Variants in NRXN3 observed in about 807,000 individuals in gnomAD.
The protein encoded by NRXN3 is neurexin 3, also known as neurexin III.
A neutral mutation model predicts 137.6 loss-of-function variants in NRXN3; 32 were observed. The observed-to-expected ratio is 0.23, with a 90% CI of 0.18 to 0.31. The LOEUF (loss-of-function observed/expected upper bound fraction) is 0.31, where lower values mean the gene tolerates loss of function less well. Ranked by LOEUF, NRXN3 falls within the 10% of genes least tolerant of loss-of-function variation. NRXN3 has a pLI of 1.00. For synonymous variants in NRXN3, 798 were observed against 784.5 expected (o/e 1.02, Z -0.29); for missense variants, 1,574 against 2,062.5 (o/e 0.76, Z 4.59).
chr14:79,734,356 T>C (rs2154074705), intron 19 of NRXN3, among the ~76,000 whole-genome samples: 1 of 152,294 alleles, frequency 6.6e-6, no homozygotes, highest in African/African-American at 2.4e-5. Context: ...TGAACTGTCA[T>C]GACATTTACA....
At chr14:79,507,135 G>A (rs1259867283) in intron 16 of NRXN3, among the ~76,000 whole-genome samples, 1 of 152,106 alleles carries the variant, frequency 6.6e-6, no homozygotes, top group Non-Finnish European at 1.5e-5. Context: ...AAAAATACAA[G>A]GATAATCGTT....
intron 15 of NRXN3, among the ~76,000 whole-genome samples, chr14:79,198,385 C>T (rs1357729474): frequency 6.6e-6 from 1 of 152,126 alleles, no homozygotes; most frequent in Admixed American, 6.5e-5. Context: ...TAGGGAACAG[C>T]CAAGGACAAT....
chr14:79,236,690 T>A (rs1178228118), intron 15 of NRXN3, among the ~76,000 whole-genome samples: 1 of 152,040 alleles, frequency 6.6e-6, no homozygotes, highest in Non-Finnish European at 1.5e-5. Flanking sequence ...GGTGGGAGGA[T>A]CACTTGAACT....
intron 6 of NRXN3, among the ~76,000 whole-genome samples, chr14:78,692,596 C>G (rs1390086104): frequency 2.6e-5 from 4 of 152,166 alleles, no homozygotes; most frequent in Non-Finnish European, 4.4e-5. Flanking sequence ...GCCAACCATA[C>G]AGCCTCATAG....
intron 3 of NRXN3, among the ~76,000 whole-genome samples, chr14:78,279,028 G>A (rs1212496305): frequency 6.6e-6 from 1 of 152,148 alleles, no homozygotes; most frequent in Non-Finnish European, 1.5e-5. Context: ...ATCTTCTCTA[G>A]CTTCATGTGG....
chr14:79,290,913 C>T (rs184507438), intron 15 of NRXN3, among the ~76,000 whole-genome samples: 2 of 152,200 alleles, frequency 1.3e-5, no homozygotes, highest in East Asian at 1.9e-4. Flanking sequence ...AGCAAAACCT[C>T]GTCAGACTCT....
intron 15 of NRXN3, among the ~76,000 whole-genome samples, chr14:79,120,024 G>A (rs2055134097): frequency 6.6e-6 from 1 of 151,774 alleles, no homozygotes; most frequent in Non-Finnish European, 1.5e-5. Context: ...ACTTTTCTGA[G>A]CATCACTATG....
At chr14:78,226,950 G>A (rs754206679) in intron 1 of NRXN3, among the ~76,000 whole-genome samples, 1 of 152,202 alleles carries the variant, frequency 6.6e-6, no homozygotes, top group African/African-American at 2.4e-5. Context: ...GGCCCATTGT[G>A]TGCCATCCAA....
chr14:79,478,668 A>T (rs1306675105), intron 16 of NRXN3, among the ~76,000 whole-genome samples: 1 of 152,156 alleles, frequency 6.6e-6, no homozygotes, highest in Non-Finnish European at 1.5e-5. Context: ...ATGCCGTGTC[A>T]TCATTGAAAA....
At position 79,805,222 on chromosome 14, in the gene NRXN3, T is replaced by G. The variant is rs45445000; in HGVS notation, c.4093+32T>G. The G allele has an allele frequency of 5.8e-3, 9,049 of 1,571,588 alleles. 28 individuals carry two copies. The highest frequency in any genetic ancestry group is 8.2e-3 in the Middle Eastern group (49 of 5,968). On this transcript the variant is annotated intron_variant, in intron 20 of 20. Transcript: ENST00000335750. ...CAGGTCAGTCTTATTTTGCTTGCTTTCTTTTTTCTTTTGCAAAAAACAATA... is the reference window on the plus strand; with the variant it reads ...CAGGTCAGTCTTATTTTGCTTGCTTGCTTTTTTCTTTTGCAAAAAACAATA...
intron 15 of NRXN3, among the ~76,000 whole-genome samples, chr14:79,364,376 T>A (rs1444902182): frequency 6.6e-6 from 1 of 152,214 alleles, no homozygotes; most frequent in Non-Finnish European, 1.5e-5. Context: ...TACTTACACC[T>A]CTTTCTGTAA....
chr14:79,137,884 C>T (rs1266454759), intron 15 of NRXN3, among the ~76,000 whole-genome samples: 2 of 151,940 alleles, frequency 1.3e-5, no homozygotes, highest in Non-Finnish European at 2.9e-5. Context: ...CAGAAAGGGA[C>T]CATAAAAGCT....
chr14:78,993,211 AT>A (rs2099522501), intron 15 of NRXN3, among the ~76,000 whole-genome samples: 1 of 151,860 alleles, frequency 6.6e-6, no homozygotes, highest in Admixed American at 6.6e-5. Flanking sequence ...GGGTTTATTT[AT>A]TTTTTTAATG....
At chr14:79,357,379 A>C (rs570539274) in intron 15 of NRXN3, among the ~76,000 whole-genome samples, 10 of 152,360 alleles carry the variant, frequency 6.6e-5, no homozygotes, top group African/African-American at 2.4e-4. Context: ...TTAACAAAGC[A>C]AAGCAAACCA....
intron 16 of NRXN3, among the ~76,000 whole-genome samples, chr14:79,603,620 T>A (rs1399306008): frequency 2.0e-5 from 3 of 152,190 alleles, no homozygotes; most frequent in Non-Finnish European, 2.9e-5. Context: ...CATATTTTTT[T>A]CCTTTTGTGG....
chr14:78,646,466 A>G (rs964718722), intron 5 of NRXN3, among the ~76,000 whole-genome samples: 8 of 152,214 alleles, frequency 5.3e-5, no homozygotes, highest in Admixed American at 1.3e-4. Context: ...AAAAGTGCTT[A>G]CCAAATTTTC....
At chr14:78,943,660 ATATATATATATATATATATCTC>A in intron 10 of NRXN3, among the ~76,000 whole-genome samples, 1 of 87,588 alleles carries the variant, frequency 1.1e-5, no homozygotes, top group African/African-American at 4.9e-5. Flanking sequence ...ATATATATAT[ATATATATATATATATATATCTC>A]AAAGAATCTA....
At chr14:78,483,981 TACACACAC>T (rs71979335) in intron 4 of NRXN3, among the ~76,000 whole-genome samples, 3,510 of 123,684 alleles carry the variant, frequency 0.028, 70 homozygotes, top group Non-Finnish European at 0.035. Context: ...GGGATGCTCT[TACACACAC>T]ACACACACAC....
intron 15 of NRXN3, among the ~76,000 whole-genome samples, chr14:79,349,071 T>C (rs1406854370): frequency 6.6e-6 from 1 of 152,188 alleles, no homozygotes; most frequent in Non-Finnish European, 1.5e-5. Context: ...TGGATTGCCA[T>C]GAAAGTGAAA....
Sources: allele counts gnomAD v4.1 joint callset (sites outside exome capture counted in the v4.1 genomes callset), GRCh38; gene constraint gnomAD v4.1.1; transcripts MANE v1.5; gene names NCBI Gene and HGNC (gene_info 2026-07-23, HGNC 2026-07-21).